The following C2orf76 variants were observed in gnomAD, a reference collection of about 807,000 sequenced individuals.
C2orf76 encodes the protein chromosome 2 open reading frame 76, also known as UPF0538 protein C2orf76.
In C2orf76, 23 loss-of-function variants were observed where a neutral mutation model predicts 16.9. The observed-to-expected ratio is 1.36, with a 90% CI of 0.98 to 1.93. C2orf76 has a LOEUF of 1.93. C2orf76 is among the 30% of genes most tolerant of loss of function. The pLI is 0.00. For synonymous variants in C2orf76, 48 were observed against 52.3 expected (o/e 0.92, Z 0.35); for missense variants, 152 against 152.6 (o/e 1.00, Z 0.02).
rs74737906 is a variant in C2orf76, at chr2:119,330,000, A to C, written c.134-8796T>G. ...TCTTCCAACATTTCTTACAGTGCAGATCTCCAGGTGATGAACTCTTTCAGC... is the reference window on the plus strand; with the variant it reads ...TCTTCCAACATTTCTTACAGTGCAGCTCTCCAGGTGATGAACTCTTTCAGC... On this transcript the variant is annotated intron_variant, in intron 2 of 5. Coordinates refer to ENST00000334816, the MANE Select transcript of C2orf76 (RefSeq NM_001322331.2). Among the ~76,000 whole-genome samples the C allele has an allele frequency of 6.0e-3, 914 of 152,288 alleles. 10 individuals are homozygous for C. The highest frequency in any genetic ancestry group is 0.02 in the African/African-American group (817 of 41,554).
chr2:119,326,240 G>A (rs1679506804), intron 2 of C2orf76, among the ~76,000 whole-genome samples: 1 of 152,060 alleles, frequency 6.6e-6, no homozygotes, highest in Admixed American at 6.6e-5. Flanking sequence ...CCAATTTTGA[G>A]TTATTTTTGT....
At chr2:119,364,910 A>AAAAAAT (rs953353069) in intron 1 of C2orf76, among the ~76,000 whole-genome samples, 2 of 151,898 alleles carry the variant, frequency 1.3e-5, no homozygotes, top group African/African-American at 2.4e-5. Flanking sequence ...CCATCTCTAC[A>AAAAAAT]AAAAATAAAA....
chr2:119,339,854 T>C lies in C2orf76; in HGVS notation c.106A>G (p.Lys36Glu). The C allele has an allele frequency of 6.2e-7, 1 of 1,608,654 alleles. No individual in the cohort carries two copies. The highest frequency in any genetic ancestry group is 8.5e-7 in the Non-Finnish European group (1 of 1,175,512). ...YHGVNLDQTV[K>E]EFIVFLKQDI... ...TGCTTTAGAAATACGATAAATTCCT[T>C]TACAGTTTGGTCCAAATTCACTCCG... Residue 36 changes from lysine (K) to glutamate (E), a missense_variant, in exon 2 of 6, where the codon AAG becomes GAG. Lys to Glu is a moderately conservative substitution (Grantham distance 56). Transcript: ENST00000334816.
the C2orf76 span, among the ~76,000 whole-genome samples, chr2:119,290,342 C>T: frequency 7.2e-5 from 11 of 152,108 alleles, 1 homozygote; most frequent in East Asian, 2.1e-3. Flanking sequence ...ACCTTTCAAC[C>T]TTCAGCTTTA....
intron 1 of C2orf76, among the ~76,000 whole-genome samples, chr2:119,343,183 TTA>T: frequency 6.6e-6 from 1 of 152,342 alleles, no homozygotes; most frequent in Admixed American, 6.5e-5. Context: ...AATTTCAATA[TTA>T]GTTACTTCAC....
chr2:119,340,651 G>C (rs572674675), intron 1 of C2orf76, among the ~76,000 whole-genome samples: 4 of 151,920 alleles, frequency 2.6e-5, no homozygotes, highest in Admixed American at 1.3e-4. Flanking sequence ...AAGATGAGAA[G>C]ACTGACTTGG....
intron 5 of C2orf76, among the ~76,000 whole-genome samples, chr2:119,308,486 C>T (rs1678870605): frequency 1.3e-5 from 2 of 152,016 alleles, no homozygotes; most frequent in South Asian, 2.1e-4. Context: ...CTAAAAAATA[C>T]AAAAATTAGC....
downstream of C2orf76, among the ~76,000 whole-genome samples, chr2:119,301,076 A>ACACAC (rs1678612702): frequency 1.0e-4 from 15 of 146,240 alleles, no homozygotes; most frequent in South Asian, 6.6e-4. Flanking sequence ...ACTTCTTAAA[A>ACACAC]ACACACACAC....
chr2:119,337,014 T>C (rs1375885631), intron 2 of C2orf76, among the ~76,000 whole-genome samples: 3 of 152,142 alleles, frequency 2.0e-5, no homozygotes, highest in African/African-American at 2.4e-5. Flanking sequence ...CTTTGCCTTT[T>C]ATTACCCATG....
intron 2 of C2orf76, among the ~76,000 whole-genome samples, chr2:119,336,348 C>T (rs1307179689): frequency 6.6e-6 from 1 of 152,060 alleles, no homozygotes; most frequent in East Asian, 1.9e-4. Flanking sequence ...CGAGACCACG[C>T]CACTGCACTC....
At chr2:119,366,411 G>A (rs1487529932) in intron 1 of C2orf76, 3 of 471,336 alleles carry the variant, frequency 6.4e-6, no homozygotes, top group Non-Finnish European at 1.3e-5. Context: ...TGACACTACG[G>A]CCACAAGCAA....
In C2orf76 at chr2:119,347,466, T is replaced by C. The variant is rs377725945; in HGVS notation, c.-12-7495A>G. On this transcript the variant is annotated intron_variant, in intron 1 of 5. Coordinates refer to ENST00000334816, the MANE Select transcript of C2orf76 (RefSeq NM_001322331.2). ...CTGTTTATATGATATTATGGTTGTG[T>C]TTTTAAGTCCTTATCTTAAAAGACT... 1.2e-4 allele frequency among the ~76,000 whole-genome samples: 19 copies of C among 152,340 alleles called. No individual in the cohort carries two copies. The East Asian group carries it at 2.3e-3, about 19-fold the overall frequency.
In C2orf76 at chr2:119,302,508, A is replaced by G; in HGVS notation, c.345T>C (p.Tyr115=). 6.6e-7 allele frequency: 1 copy of G among 1,511,958 alleles called. No homozygotes were observed. The highest frequency in any genetic ancestry group is 9.0e-7 in the Non-Finnish European group (1 of 1,113,408). 93.7% of individuals were successfully genotyped at this position (1,511,958 alleles called of 1,614,324 possible). A position where few individuals can be genotyped will look rare whatever the true frequency, so the allele number is the denominator to read the frequency against. ...TEIAFFCEED[Y]KNYKANPISS... ...AAATGGGATTAGCTTTGTAGTTCTT[A>G]TAATCTTCTTCACAGAAGAATGCAA... Residue 115 remains tyrosine, a synonymous_variant, in exon 6 of 6, where the codon TAT becomes TAC. Transcript: ENST00000334816.
intron 4 of C2orf76, 85 bp from the exon 5 acceptor site, chr2:119,311,788 C>G: frequency 8.2e-7 from 1 of 1,222,414 alleles, no homozygotes; most frequent in Non-Finnish European, 1.1e-6. Flanking sequence ...AGAGTTGTAA[C>G]TCTGAGCACA....
chr2:119,294,932 G>A, the C2orf76 span, among the ~76,000 whole-genome samples: 2 of 152,172 alleles, frequency 1.3e-5, no homozygotes, highest in African/African-American at 4.8e-5. Context: ...TCTCAAGTCA[G>A]GGAGTGGGAT....
chr2:119,308,330 ATACTT>A (rs1392811462), intron 5 of C2orf76, among the ~76,000 whole-genome samples: 1 of 152,256 alleles, frequency 6.6e-6, no homozygotes, highest in Non-Finnish European at 1.5e-5. Flanking sequence ...TCTTACATGT[ATACTT>A]TAAACATTTT....
At chr2:119,361,888 A>G (rs1220472937) in intron 1 of C2orf76, among the ~76,000 whole-genome samples, 1 of 152,184 alleles carries the variant, frequency 6.6e-6, no homozygotes, top group African/African-American at 2.4e-5. Context: ...TAGCCAAAGC[A>G]TGTCAGCAGA....
At chr2:119,325,647 T>G (rs892274642) in intron 2 of C2orf76, among the ~76,000 whole-genome samples, 1 of 152,072 alleles carries the variant, frequency 6.6e-6, no homozygotes, top group African/African-American at 2.4e-5. Context: ...TAAATCATTT[T>G]CCAGAGTGGC....
intron 1 of C2orf76, among the ~76,000 whole-genome samples, chr2:119,347,812 G>A (rs780329360): frequency 6.6e-6 from 1 of 151,866 alleles, no homozygotes; most frequent in Non-Finnish European, 1.5e-5. Context: ...ATAATACAGC[G>A]CTCCCATTTC....
Sources: gnomAD v4.1 joint callset for allele counts (sites outside exome capture counted in the v4.1 genomes callset) on GRCh38, gnomAD v4.1.1 for gene constraint, MANE v1.5 for transcripts, NCBI Gene and HGNC (gene_info 2026-07-23, HGNC 2026-07-21) for gene names.